PARVA: variants seen among roughly 807,000 people sequenced by gnomAD.
PARVA encodes parvin alpha.
A neutral mutation model predicts 52.6 loss-of-function variants in PARVA; 25 were observed. The ratio of observed to expected loss-of-function variants is 0.48; its 90% confidence interval spans 0.35 to 0.66. The LOEUF is 0.66. Among genes scored for constraint, PARVA ranks in the 30% least tolerant of loss-of-function variants. The probability of loss-of-function intolerance (pLI) is 0.01; values close to 1 mark genes in which losing one functional copy is unlikely to be tolerated. For missense variants in PARVA, 373 were observed against 450.9 expected, an observed-to-expected ratio of 0.83 and a Z score of 1.56; for synonymous variants, 185 against 179.1, an observed-to-expected ratio of 1.03 and a Z score of -0.26.
At chr11:12,419,919 ACTTTTAAGATT>A (rs903306648) in intron 1 of PARVA, among the ~76,000 whole-genome samples, 9 of 152,320 alleles carry the variant, frequency 5.9e-5, no homozygotes, top group Admixed American at 1.3e-4. Context: ...TGGCGGAAAC[ACTTTTAAGATT>A]CATATATACT....
rs557625902 is a variant in PARVA at position 12,478,285 on chromosome 11, G to A, written c.400+336G>A. 31 of 384,584 alleles carry A rather than the reference G, an allele frequency of 8.1e-5. No individual in the cohort carries two copies. In the East Asian group the frequency reaches 8.9e-4, roughly 11 times the overall value. The allele number at this position is 384,584 out of a possible 1,614,324, so 23.8% of individuals were successfully genotyped here. On this transcript the variant is annotated intron_variant, in intron 4 of 12. Coordinates refer to ENST00000334956, the MANE Select transcript of PARVA (RefSeq NM_018222.5). ...AAAGCATGCCTGTGTGGCCTCTGTC[G>A]GTATATTTACATGCATGGGCCTGAG...
At chr11:12,407,166 A>G (rs1357279864) in intron 1 of PARVA, among the ~76,000 whole-genome samples, 2 of 152,198 alleles carry the variant, frequency 1.3e-5, no homozygotes, top group Non-Finnish European at 2.9e-5. Context: ...TCCTTGGGCC[A>G]ATATCATTAG....
chr11:12,530,649 A>G lies in PARVA; in HGVS notation c.*2724A>G, dbSNP rs1273245506. 1 of 152,206 alleles carries G rather than the reference A, an allele frequency of 6.6e-6. No homozygotes were observed. The highest frequency in any genetic ancestry group is 1.5e-5 in the Non-Finnish European group (1 of 68,042). 9.4% of individuals were successfully genotyped at this position (152,206 alleles called of 1,614,324 possible). ...AGATACTCTAGGCATGTAAAGCACA[A>G]ACATACATATAAAATCTGCGGGCTT... On this transcript the variant is annotated 3_prime_UTR_variant, in exon 13 of 13. Coordinates refer to ENST00000334956, the MANE Select transcript of PARVA (RefSeq NM_018222.5).
intron 1 of PARVA, among the ~76,000 whole-genome samples, chr11:12,443,386 G>A (rs1388506548): frequency 6.6e-6 from 1 of 150,944 alleles, no homozygotes; most frequent in South Asian, 2.1e-4. Flanking sequence ...TGGCCAGGAT[G>A]GTCTCAATCT....
At chr11:12,517,842 G>A (rs1346121938) in intron 11 of PARVA, 131 bp downstream of exon 11, 2 of 656,836 alleles carry the variant, frequency 3.0e-6, no homozygotes, top group African/African-American at 3.6e-5. Flanking sequence ...GTGCCTGGAG[G>A]TGGGACCCAT....
At chr11:12,508,101 AAAAAAAAAAAAAAAAAAAAAACC>A (rs1372452892) in intron 6 of PARVA, among the ~76,000 whole-genome samples, 2 of 91,996 alleles carry the variant, frequency 2.2e-5, no homozygotes, top group Non-Finnish European at 4.1e-5. Flanking sequence ...TTATCAGTTA[AAAAAAAAAAAAAAAAAAAAAACC>A]AAAAAAAAAA....
intron 1 of PARVA, among the ~76,000 whole-genome samples, chr11:12,403,621 G>C (rs1939860762): frequency 6.6e-6 from 1 of 152,202 alleles, no homozygotes. Context: ...TAAGAGATTA[G>C]ATTTGTTTAT....
intron 3 of PARVA, among the ~76,000 whole-genome samples, chr11:12,474,755 A>G (rs1940985145): frequency 6.6e-6 from 1 of 151,766 alleles, no homozygotes. Flanking sequence ...AAATACAAAA[A>G]GTAGCCAAGT....
chr11:12,404,926 T>C (rs1939879999), intron 1 of PARVA, among the ~76,000 whole-genome samples: 1 of 152,206 alleles, frequency 6.6e-6, no homozygotes, highest in African/African-American at 2.4e-5. Context: ...AAGGTCCATA[T>C]GGGAGCAGTA....
intron 12 of PARVA, among the ~76,000 whole-genome samples, chr11:12,523,044 A>T (rs1013604254): frequency 6.6e-6 from 1 of 152,138 alleles, no homozygotes; most frequent in African/African-American, 2.4e-5. Flanking sequence ...TCATTTTCAA[A>T]TATTTAAAAC....
intron 1 of PARVA, among the ~76,000 whole-genome samples, chr11:12,446,201 A>G (rs981231816): frequency 6.6e-5 from 10 of 152,236 alleles, no homozygotes; most frequent in African/African-American, 2.4e-4. Flanking sequence ...AGAGGTCCCA[A>G]TCAAGACTTC....
At chr11:12,487,173 A>G (rs1359429333) in intron 4 of PARVA, among the ~76,000 whole-genome samples, 1 of 152,186 alleles carries the variant, frequency 6.6e-6, no homozygotes, top group Admixed American at 6.5e-5. Context: ...TATGTGGTGG[A>G]TGTTGAACAG....
intron 1 of PARVA, among the ~76,000 whole-genome samples, chr11:12,403,499 G>A (rs1295018120): frequency 3.3e-5 from 5 of 152,222 alleles, no homozygotes; most frequent in Admixed American, 3.3e-4. Flanking sequence ...GATGCGGTGG[G>A]ACTCAGAAGG....
chr11:12,488,059 C>T (rs1363648253), intron 4 of PARVA, among the ~76,000 whole-genome samples: 2 of 152,224 alleles, frequency 1.3e-5, no homozygotes, highest in East Asian at 3.9e-4. Flanking sequence ...ACATTTGATA[C>T]ATATTTGAAC....
At chr11:12,462,823 GCT>G in intron 1 of PARVA, among the ~76,000 whole-genome samples, 1 of 152,274 alleles carries the variant, frequency 6.6e-6, no homozygotes, top group South Asian at 2.1e-4. Flanking sequence ...TTAGGAGGAA[GCT>G]CTGTCTTCTC....
chr11:12,398,567 A>T (rs1489088125), intron 1 of PARVA, among the ~76,000 whole-genome samples: 1 of 148,182 alleles, frequency 6.7e-6, no homozygotes, highest in Non-Finnish European at 1.5e-5. Context: ...GCCTCTAGGG[A>T]CCCCCGTCCT....
chr11:12,502,004 G>A (rs1941368825), intron 5 of PARVA, among the ~76,000 whole-genome samples: 1 of 152,198 alleles, frequency 6.6e-6, no homozygotes, highest in Non-Finnish European at 1.5e-5. Context: ...TAGTTCTGAT[G>A]AGAAGAGCAA....
intron 4 of PARVA, among the ~76,000 whole-genome samples, chr11:12,494,703 A>C (rs1289226817): frequency 6.6e-6 from 1 of 152,132 alleles, no homozygotes; most frequent in Non-Finnish European, 1.5e-5. Context: ...AAAGTTATTG[A>C]CCTAGAAAAC....
chr11:12,417,797 C>G (rs985648571), intron 1 of PARVA, among the ~76,000 whole-genome samples: 2 of 152,202 alleles, frequency 1.3e-5, no homozygotes, highest in South Asian at 2.1e-4. Context: ...CAGGGCCCCC[C>G]GGGTGCCAAG....
Sources: allele counts gnomAD v4.1 joint callset (sites outside exome capture counted in the v4.1 genomes callset), GRCh38; gene constraint gnomAD v4.1.1; transcripts MANE v1.5; gene names NCBI Gene and HGNC (gene_info 2026-07-23, HGNC 2026-07-21).